The following FBXO8 variants were observed in gnomAD, a reference collection of about 807,000 sequenced individuals.
FBXO8 encodes the protein F-box only protein 8.
A neutral mutation model predicts 33.4 loss-of-function variants in FBXO8; 15 were observed. That is an observed-to-expected ratio of 0.45 (90% CI 0.30 to 0.69). FBXO8 has a LOEUF of 0.69. Among genes scored for constraint, FBXO8 ranks in the 30% least tolerant of loss-of-function variants. The pLI is 0.08. For missense variants in FBXO8, 274 were observed against 380.3 expected, an observed-to-expected ratio of 0.72 and a Z score of 2.32; for synonymous variants, 132 against 131.5, an observed-to-expected ratio of 1.00 and a Z score of -0.02.
Position 174,263,827 on chromosome 4 carries a change from C to G in FBXO8, c.-8-727G>C, listed in dbSNP as rs1368524914. 6.6e-6 allele frequency among the ~76,000 whole-genome samples: 1 copy of G among 152,140 alleles called. No homozygotes were observed. The highest frequency in any genetic ancestry group is 2.4e-5 in the African/African-American group (1 of 41,438). On this transcript the variant is annotated intron_variant, in intron 1 of 5. Coordinates refer to ENST00000393674, the MANE Select transcript of FBXO8 (RefSeq NM_012180.3). This position sits in a 1 kb window ranked among gnomAD's most constrained non-coding sequence, Gnocchi z 4.2. ...CTTCAGAAGTACCTGGGAAAAGACA[C>G]CAGAAGAAAGGTGTGCTCTAGTCTC...
chr4:174,240,392 A>C (rs967771033), intron 4 of FBXO8, among the ~76,000 whole-genome samples: 6 of 151,774 alleles, frequency 4.0e-5, no homozygotes, highest in Non-Finnish European at 8.9e-5. Context: ...TGATATATAC[A>C]AAAGTTTGAG....
intron 4 of FBXO8, 34 bp from the exon 5 acceptor site, chr4:174,239,224 A>C: frequency 7.2e-7 from 1 of 1,395,544 alleles, no homozygotes; most frequent in Non-Finnish European, 9.5e-7. Context: ...GCTTTGGTTA[A>C]CTTTTCTTCA....
rs1736712817 is a variant in FBXO8 at position 174,267,132 on chromosome 4, A to C, written c.-8-4032T>G. ...ATCAATGACCCAGCAACAACAACAA[A>C]AAACTCTAGAAAACAAAAAAAGGCT... On this transcript the variant is annotated intron_variant, in intron 1 of 5. Coordinates refer to ENST00000393674, the MANE Select transcript of FBXO8 (RefSeq NM_012180.3). The surrounding 1 kb of genome is among the most constrained non-coding windows in gnomAD (Gnocchi z 4.7). 6.6e-6 allele frequency among the ~76,000 whole-genome samples: 1 copy of C among 152,238 alleles called. No individual in the cohort carries two copies.
rs191118444 is a variant in FBXO8, at chr4:174,245,364, G to A, written c.457-4146C>T. ...AGATTAGACTGAAGTATTGTAAGGG[G>A]TTTAGACAAGGAATTTAAGGGGTTT... On this transcript the variant is annotated intron_variant, in intron 3 of 5. Coordinates refer to ENST00000393674, the MANE Select transcript of FBXO8 (RefSeq NM_012180.3). This position sits in a 1 kb window ranked among gnomAD's most constrained non-coding sequence, Gnocchi z 4.6. 2.2e-4 allele frequency among the ~76,000 whole-genome samples: 33 copies of A among 151,958 alleles called. 2 individuals are homozygous for A. The East Asian group carries it at 6.2e-3, about 28-fold the overall frequency.
chr4:174,254,800 C>A lies in FBXO8; in HGVS notation c.456+4899G>T, dbSNP rs762731945. On this transcript the variant is annotated intron_variant, in intron 3 of 5. Coordinates refer to ENST00000393674, the MANE Select transcript of FBXO8 (RefSeq NM_012180.3). This position sits in a 1 kb window ranked among gnomAD's most constrained non-coding sequence, Gnocchi z 4.2. ...CAAAGGAAAGAAAACAATTACAGAC[C>A]CACAGACTTTGATAAGAGAGAAGAT... Among the ~76,000 whole-genome samples the A allele has an allele frequency of 3.2e-4, 48 of 151,852 alleles. 1 individual carries two copies. The highest frequency in any genetic ancestry group is 1.3e-4 in the Admixed American group (2 of 15,216).
Position 174,247,418 on chromosome 4 carries a change from A to G in FBXO8, c.457-6200T>C, listed in dbSNP as rs376458954. On this transcript the variant is annotated intron_variant, in intron 3 of 5. Coordinates refer to ENST00000393674, the MANE Select transcript of FBXO8 (RefSeq NM_012180.3). The surrounding 1 kb of genome is among the most constrained non-coding windows in gnomAD (Gnocchi z 4.6). ...TGTAAAATCTAGTACAATGGCCACT[A>G]CTTTTCAGGTCATCAAACTGCCCTT... 1.5e-5 allele frequency among the ~76,000 whole-genome samples: 2 copies of G among 132,766 alleles called. No individual in the cohort carries two copies. Among genetic ancestry groups the G allele is most frequent in the South Asian group, 2.3e-4 (1 of 4,384 alleles). 87.1% of individuals were successfully genotyped at this position (132,766 alleles called of 152,430 possible). A position where few individuals can be genotyped will look rare whatever the true frequency, so the allele number is the denominator to read the frequency against.
At chr4:174,269,610 G>T (rs940810046) in intron 1 of FBXO8, among the ~76,000 whole-genome samples, 1 of 151,684 alleles carries the variant, frequency 6.6e-6, no homozygotes, top group African/African-American at 2.4e-5. Context: ...ACTTGAACCC[G>T]GGAGGCAGAG....
Position 174,256,048 on chromosome 4 carries a change from C to G in FBXO8, c.456+3651G>C, listed in dbSNP as rs1736408382. 1 of 455,642 alleles carries G rather than the reference C, an allele frequency of 2.2e-6. No homozygotes were observed. 28.2% of individuals were successfully genotyped at this position (455,642 alleles called of 1,614,324 possible). On this transcript the variant is annotated intron_variant, in intron 3 of 5. Coordinates refer to ENST00000393674, the MANE Select transcript of FBXO8 (RefSeq NM_012180.3). This position sits in a 1 kb window ranked among gnomAD's most constrained non-coding sequence, Gnocchi z 4.6. ...GTACCACAAACTGTGCAGATGTTCT[C>G]CCCCACCCCATGAGCCACTGCCAGC...
chr4:174,241,047 A>C lies in FBXO8; in HGVS notation c.575+53T>G, dbSNP rs1736023603. On this transcript the variant is annotated intron_variant, in intron 4 of 5. Coordinates refer to ENST00000393674, the MANE Select transcript of FBXO8 (RefSeq NM_012180.3). The surrounding 1 kb of genome is among the most constrained non-coding windows in gnomAD (Gnocchi z 4.2). ...TTAGTTTTAAAGTAAAACTTAACTC[A>C]TCAAAAACATTACTTAACTCATTTT... The C allele has an allele frequency of 1.1e-5, 12 of 1,101,830 alleles. No homozygotes were observed. The highest frequency in any genetic ancestry group is 1.5e-5 in the Non-Finnish European group (11 of 744,622). The allele number at this position is 1,101,830 out of a possible 1,614,324, so 68.3% of individuals were successfully genotyped here.
Position 174,274,231 on chromosome 4 carries a change from C to T in FBXO8, c.-9+9179G>A, listed in dbSNP as rs1416910020. Among the ~76,000 whole-genome samples the T allele has an allele frequency of 1.3e-5, 2 of 152,092 alleles. No individual in the cohort carries two copies. Among genetic ancestry groups the T allele is most frequent in the Non-Finnish European group, 2.9e-5 (2 of 68,018 alleles). ...ATGTGAAGAAAGATCAGCATCAAAC[C>T]CCAACACGGAATCTGATTAGCCTGT... On this transcript the variant is annotated intron_variant, in intron 1 of 5. Coordinates refer to ENST00000393674, the MANE Select transcript of FBXO8 (RefSeq NM_012180.3). The surrounding 1 kb of genome is among the most constrained non-coding windows in gnomAD (Gnocchi z 4.0).
chr4:174,279,900 G>A (rs545539492), intron 1 of FBXO8, among the ~76,000 whole-genome samples: 34 of 151,916 alleles, frequency 2.2e-4, no homozygotes, highest in African/African-American at 6.3e-4. Flanking sequence ...ACTCTTAGAC[G>A]AAAAAACAGG....
At position 174,274,259 on chromosome 4, in the gene FBXO8, T is replaced by C. The variant is rs1736902122; in HGVS notation, c.-9+9151A>G. Among the ~76,000 whole-genome samples, 1 of 152,234 alleles carries C rather than the reference T, an allele frequency of 6.6e-6. No individual in the cohort carries two copies. The highest frequency in any genetic ancestry group is 1.5e-5 in the Non-Finnish European group (1 of 68,028). ...AACACGGAATCTGATTAGCCTGTGA[T>C]TTCTGATCCTCATTCTTCTCATTAG... On this transcript the variant is annotated intron_variant, in intron 1 of 5. Coordinates refer to ENST00000393674, the MANE Select transcript of FBXO8 (RefSeq NM_012180.3). The surrounding 1 kb of genome is among the most constrained non-coding windows in gnomAD (Gnocchi z 4.0).
rs139423040 is a variant in FBXO8 at position 174,275,895 on chromosome 4, A to G, written c.-9+7515T>C. ...TGTTTTGACCACTTACATAGGATATATAAACAACAGAGTAAGGTACAAATG... is the reference window on the plus strand; with the variant it reads ...TGTTTTGACCACTTACATAGGATATGTAAACAACAGAGTAAGGTACAAATG... On this transcript the variant is annotated intron_variant, in intron 1 of 5. Coordinates refer to ENST00000393674, the MANE Select transcript of FBXO8 (RefSeq NM_012180.3). This position sits in a 1 kb window ranked among gnomAD's most constrained non-coding sequence, Gnocchi z 4.4. Among the ~76,000 whole-genome samples the G allele has an allele frequency of 3.3e-3, 501 of 152,334 alleles. 3 individuals are homozygous for G. The highest frequency in any genetic ancestry group is 0.011 in the African/African-American group (473 of 41,584).
Position 174,254,816 on chromosome 4 carries a change from G to A in FBXO8, c.456+4883C>T, listed in dbSNP as rs1175854926. On this transcript the variant is annotated intron_variant, in intron 3 of 5. Coordinates refer to ENST00000393674, the MANE Select transcript of FBXO8 (RefSeq NM_012180.3). The surrounding 1 kb of genome is among the most constrained non-coding windows in gnomAD (Gnocchi z 4.2). ...ATTACAGACCCACAGACTTTGATAA[G>A]AGAGAAGATTACATCAGATAACTGC... Among the ~76,000 whole-genome samples the A allele has an allele frequency of 1.3e-5, 2 of 152,104 alleles. No homozygotes were observed. Among genetic ancestry groups the A allele is most frequent in the Non-Finnish European group, 2.9e-5 (2 of 67,994 alleles).
Position 174,281,364 on chromosome 4 carries a change from C to G in FBXO8, c.-9+2046G>C, listed in dbSNP as rs530149140. ...ATGGTTAAACTCCCTAAAGCTGTTG[C>G]CTAAACTCCAAACCACAAATATTTT... On this transcript the variant is annotated intron_variant, in intron 1 of 5. Coordinates refer to ENST00000393674, the MANE Select transcript of FBXO8 (RefSeq NM_012180.3). This position sits in a 1 kb window ranked among gnomAD's most constrained non-coding sequence, Gnocchi z 4.6. Among the ~76,000 whole-genome samples, 1 of 152,258 alleles carries G rather than the reference C, an allele frequency of 6.6e-6. No homozygotes were observed. The highest frequency in any genetic ancestry group is 1.9e-4 in the East Asian group (1 of 5,182).
rs1209013119 is a variant in FBXO8 at position 174,265,963 on chromosome 4, C to T, written c.-8-2863G>A. On this transcript the variant is annotated intron_variant, in intron 1 of 5. Coordinates refer to ENST00000393674, the MANE Select transcript of FBXO8 (RefSeq NM_012180.3). The surrounding 1 kb of genome is among the most constrained non-coding windows in gnomAD (Gnocchi z 4.7). ...AAATTTATTCTCTTTTGTTTTTGTA[C>T]CACTAAAGGTAAATTATCAAACATG... Among the ~76,000 whole-genome samples, 3 of 152,000 alleles carry T rather than the reference C, an allele frequency of 2.0e-5. No individual in the cohort carries two copies. Among genetic ancestry groups the T allele is most frequent in the Non-Finnish European group, 4.4e-5 (3 of 68,000 alleles).
rs1201859478 is a variant in FBXO8 at position 174,253,396 on chromosome 4, C to T, written c.456+6303G>A. Among the ~76,000 whole-genome samples the T allele has an allele frequency of 6.6e-6, 1 of 152,092 alleles. No homozygotes were observed. Among genetic ancestry groups the T allele is most frequent in the African/African-American group, 2.4e-5 (1 of 41,416 alleles). ...CTCCCCTCCTATCCCGTCTTCCTCCCTTTTAAAATTTTGATATGTTTGCTT... is the reference window on the plus strand; with the variant it reads ...CTCCCCTCCTATCCCGTCTTCCTCCTTTTTAAAATTTTGATATGTTTGCTT... On this transcript the variant is annotated intron_variant, in intron 3 of 5. Coordinates refer to ENST00000393674, the MANE Select transcript of FBXO8 (RefSeq NM_012180.3). This position sits in a 1 kb window ranked among gnomAD's most constrained non-coding sequence, Gnocchi z 4.5.
chr4:174,261,368 T>C lies in FBXO8; in HGVS notation c.329+1396A>G, dbSNP rs1736556003. 6.6e-6 allele frequency among the ~76,000 whole-genome samples: 1 copy of C among 151,910 alleles called. No individual in the cohort carries two copies. Among genetic ancestry groups the C allele is most frequent in the African/African-American group, 2.4e-5 (1 of 41,410 alleles). ...AAAATAGGCATAATTATGGCAAATATTTCTTTCACAAATGAAAAATTCAGA... is the reference window on the plus strand; with the variant it reads ...AAAATAGGCATAATTATGGCAAATACTTCTTTCACAAATGAAAAATTCAGA... On this transcript the variant is annotated intron_variant, in intron 2 of 5. Transcript: ENST00000393674. This position sits in a 1 kb window ranked among gnomAD's most constrained non-coding sequence, Gnocchi z 4.1.
chr4:174,238,534 A>G (rs72702227), intron 5 of FBXO8, among the ~76,000 whole-genome samples: 12,078 of 151,502 alleles, frequency 0.08, 510 homozygotes, highest in Middle Eastern at 0.1. Context: ...AAACATACAC[A>G]TATAGATAGA....
Sources: gnomAD v4.1 joint callset for allele counts (sites outside exome capture counted in the v4.1 genomes callset) on GRCh38, gnomAD v4.1.1 for gene constraint, Gnocchi (gnomAD v3.1) non-coding constraint, MANE v1.5 for transcripts, NCBI Gene and HGNC (gene_info 2026-07-23, HGNC 2026-07-21) for gene names.